PCCA: variants seen among roughly 807,000 people sequenced by gnomAD.
PCCA encodes propionyl-CoA carboxylase alpha chain, mitochondrial.
A neutral mutation model predicts 101.3 loss-of-function variants in PCCA; 74 were observed. The observed-to-expected ratio is 0.73, with a 90% CI of 0.61 to 0.89. PCCA has a LOEUF of 0.89. Ranked by LOEUF, PCCA falls within the 40% of genes least tolerant of loss-of-function variation. The pLI is 0.00. For missense variants in PCCA, 891 were observed against 907.0 expected, an observed-to-expected ratio of 0.98 and a Z score of 0.23; for synonymous variants, 294 against 313.6, an observed-to-expected ratio of 0.94 and a Z score of 0.66.
At chr13:100,195,846 C>T (rs1469943906) in intron 6 of PCCA, among the ~76,000 whole-genome samples, 1 of 152,170 alleles carries the variant, frequency 6.6e-6, no homozygotes, top group Non-Finnish European at 1.5e-5. Context: ...TATGTTAACT[C>T]ATCTCTTTTT....
chr13:100,361,987 G>C (rs1332313997), intron 18 of PCCA, among the ~76,000 whole-genome samples: 1 of 152,076 alleles, frequency 6.6e-6, no homozygotes, highest in Non-Finnish European at 1.5e-5. Flanking sequence ...CCCCAAACTG[G>C]AAACCACCAA....
chr13:100,439,159 A>T (rs924420862), intron 20 of PCCA, among the ~76,000 whole-genome samples: 1 of 152,200 alleles, frequency 6.6e-6, no homozygotes, highest in African/African-American at 2.4e-5. Flanking sequence ...TAAACCAGAG[A>T]GTGTTTACAG....
intron 22 of PCCA, 142 bp downstream of exon 22, chr13:100,515,709 G>C: frequency 1.0e-6 from 1 of 953,350 alleles, no homozygotes; most frequent in Non-Finnish European, 1.7e-6. Flanking sequence ...TCGATTGCGT[G>C]TGTTGTCGAC....
At chr13:100,151,657 G>A (rs912431170) in intron 4 of PCCA, among the ~76,000 whole-genome samples, 1 of 151,930 alleles carries the variant, frequency 6.6e-6, no homozygotes, top group Non-Finnish European at 1.5e-5. Flanking sequence ...TGATGGGAAA[G>A]CTAATAATCT....
intron 16 of PCCA, among the ~76,000 whole-genome samples, chr13:100,312,417 G>C (rs933332412): frequency 3.9e-5 from 6 of 152,280 alleles, no homozygotes; most frequent in African/African-American, 1.4e-4. Flanking sequence ...AGAGTGGCAG[G>C]ATTTTTAAAA....
intron 4 of PCCA, among the ~76,000 whole-genome samples, chr13:100,154,079 T>G (rs2053632735): frequency 6.6e-6 from 1 of 152,164 alleles, no homozygotes; most frequent in Non-Finnish European, 1.5e-5. Context: ...CATAAATGTT[T>G]AGGTATATGT....
intron 17 of PCCA, 113 bp from the exon 18 acceptor site, chr13:100,340,044 A>G (rs1403668789): frequency 2.7e-6 from 2 of 734,934 alleles, no homozygotes; most frequent in East Asian, 2.6e-5. Context: ...TCCTAGCTGC[A>G]TAATAGATGC....
chr13:100,465,873 A>G (rs995715449), intron 21 of PCCA, among the ~76,000 whole-genome samples: 1 of 152,140 alleles, frequency 6.6e-6, no homozygotes, highest in Admixed American at 6.5e-5. Context: ...AATAAACTTT[A>G]CCCGTCCTGA....
chr13:100,377,096 G>A (rs2075961503), intron 19 of PCCA, among the ~76,000 whole-genome samples: 4 of 152,174 alleles, frequency 2.6e-5, no homozygotes, highest in Admixed American at 2.0e-4. Flanking sequence ...GCCCGGGTGA[G>A]GCAATGCCCC....
At chr13:100,097,200 T>C (rs897860145) in intron 1 of PCCA, among the ~76,000 whole-genome samples, 2 of 152,168 alleles carry the variant, frequency 1.3e-5, no homozygotes, top group African/African-American at 4.8e-5. Context: ...CAGAATAGAC[T>C]GATCCATGAA....
At chr13:100,099,336 G>A (rs1372734550) in intron 1 of PCCA, among the ~76,000 whole-genome samples, 1 of 47,616 alleles carries the variant, frequency 2.1e-5, no homozygotes, top group Admixed American at 2.5e-4. Flanking sequence ...TTTTTTTTTT[G>A]AGATGGAGTC....
intron 19 of PCCA, among the ~76,000 whole-genome samples, chr13:100,411,871 A>G (rs1225237944): frequency 6.6e-6 from 1 of 152,154 alleles, no homozygotes; most frequent in Non-Finnish European, 1.5e-5. Flanking sequence ...ATACTGTCAT[A>G]TTGAGAGTTA....
At chr13:100,366,100 GA>G (rs1459213932) in intron 18 of PCCA, among the ~76,000 whole-genome samples, 1 of 152,214 alleles carries the variant, frequency 6.6e-6, no homozygotes, top group Admixed American at 6.5e-5. Flanking sequence ...AAATGATCAT[GA>G]GCAAGATAGT....
chr13:100,404,623 AAG>A (rs994593840), intron 19 of PCCA, among the ~76,000 whole-genome samples: 1 of 152,050 alleles, frequency 6.6e-6, no homozygotes, highest in Non-Finnish European at 1.5e-5. Flanking sequence ...TGAGGGAGAG[AAG>A]AGAGAGCATC....
In PCCA at chr13:100,236,019, G is replaced by A. The variant is rs577155410; in HGVS notation, c.637+141G>A. ...TGATTACTTGTTGCTCTGGAAGAAT[G>A]TATCAGTTGAATTGCCAAATTCTAT... is the stretch of plus-strand genomic sequence containing the variant. On this transcript the variant is annotated intron_variant, in intron 8 of 23. Transcript: ENST00000376285. 87 of 657,286 alleles carry A rather than the reference G, an allele frequency of 1.3e-4. 1 individual carries two copies. In the South Asian group the frequency reaches 1.4e-3, roughly 11 times the overall value. 40.7% of individuals were successfully genotyped at this position (657,286 alleles called of 1,614,324 possible).
intron 7 of PCCA, among the ~76,000 whole-genome samples, chr13:100,234,619 G>T (rs2060674199): frequency 6.7e-6 from 1 of 149,044 alleles, no homozygotes; most frequent in Admixed American, 6.8e-5. Flanking sequence ...TTATTCAGGG[G>T]ATGTTATTAG....
intron 19 of PCCA, among the ~76,000 whole-genome samples, chr13:100,370,074 C>CTTTTTTTTTTTTTTT (rs386380451): frequency 2.7e-5 from 2 of 74,640 alleles, no homozygotes; most frequent in African/African-American, 1.1e-4. Flanking sequence ...GCTGTTACTT[C>CTTTTTTTTTTTTTTT]TTTTTTTTTT....
At chr13:100,313,661 G>C (rs1166315591) in intron 16 of PCCA, among the ~76,000 whole-genome samples, 1 of 152,144 alleles carries the variant, frequency 6.6e-6, no homozygotes, top group East Asian at 1.9e-4. Context: ...GTTTGTTTTG[G>C]GAAGGGGCTG....
At chr13:100,337,601 T>C (rs2070699254) in intron 17 of PCCA, among the ~76,000 whole-genome samples, 1 of 152,176 alleles carries the variant, frequency 6.6e-6, no homozygotes, top group Non-Finnish European at 1.5e-5. Context: ...ATCAGTAAAA[T>C]GCTTGAAGTT....
Sources: allele counts gnomAD v4.1 joint callset (sites outside exome capture counted in the v4.1 genomes callset), GRCh38; gene constraint gnomAD v4.1.1; transcripts MANE v1.5; gene names NCBI Gene and HGNC (gene_info 2026-07-23, HGNC 2026-07-21).